Variants in TAMM41 observed in about 807,000 individuals in gnomAD.
TAMM41 encodes the protein phosphatidate cytidylyltransferase, mitochondrial.
In TAMM41, 36 loss-of-function variants were observed where a neutral mutation model predicts 44.1. The ratio of observed to expected loss-of-function variants is 0.82; its 90% CI spans 0.63 to 1.08. The LOEUF (loss-of-function observed/expected upper bound fraction) is 1.08. Ranked by LOEUF, TAMM41 falls within the 50% of genes least tolerant of loss-of-function variation. TAMM41 has a pLI of 0.00. For synonymous variants in TAMM41, 164 were observed against 153.1 expected (o/e 1.07, Z -0.53); for missense variants, 417 against 404.3 (o/e 1.03, Z -0.27).
the TAMM41 span, among the ~76,000 whole-genome samples, chr3:11,757,223 C>T: frequency 6.6e-6 from 1 of 152,156 alleles, no homozygotes; most frequent in African/African-American, 2.4e-5. Flanking sequence ...GATCCATGTT[C>T]ACATGAGAGA....
At chr3:11,826,314 G>C (rs143643766) in intron 4 of TAMM41, among the ~76,000 whole-genome samples, 1 of 152,060 alleles carries the variant, frequency 6.6e-6, no homozygotes, top group Non-Finnish European at 1.5e-5. Context: ...CGGGAGGATC[G>C]TTTGAGCTCA....
the TAMM41 span, among the ~76,000 whole-genome samples, chr3:11,727,006 GA>G: frequency 1.3e-5 from 2 of 151,996 alleles, no homozygotes; most frequent in African/African-American, 4.8e-5. Context: ...TTCAGGGAGA[GA>G]GGAAAGAATA....
chr3:11,823,912 G>A (rs1025319423), intron 4 of TAMM41, among the ~76,000 whole-genome samples: 6 of 147,542 alleles, frequency 4.1e-5, no homozygotes, highest in South Asian at 2.2e-4. Flanking sequence ...TGCAACCTCC[G>A]AATCCTGGGG....
At chr3:11,736,119 T>C in the TAMM41 span, among the ~76,000 whole-genome samples, 2 of 152,204 alleles carry the variant, frequency 1.3e-5, no homozygotes, top group East Asian at 1.9e-4. Context: ...ACTTCCTGTG[T>C]AGTTTCCAAA....
At position 11,790,482 on chromosome 3, in the gene TAMM41, A is replaced by T. The variant is rs1164320573; in HGVS notation, c.*23T>A. On this transcript the variant is annotated 3_prime_UTR_variant, in exon 8 of 8. Transcript: ENST00000455809. The stretch of plus-strand genomic sequence containing the variant: ...TCAAACACTTTATTCATCTACACAT[A>T]ACATATATAAAAGCAAGCAAAATCA... 1 of 1,600,604 alleles carries T rather than the reference A, an allele frequency of 6.2e-7. No individual in the cohort carries two copies. Among genetic ancestry groups the T allele is most frequent in the Non-Finnish European group, 8.6e-7 (1 of 1,168,036 alleles).
At chr3:11,824,615 A>G (rs1471039800) in intron 4 of TAMM41, among the ~76,000 whole-genome samples, 1 of 152,122 alleles carries the variant, frequency 6.6e-6, no homozygotes, top group African/African-American at 2.4e-5. Context: ...TACATTAGAA[A>G]ATACAAAAGT....
At chr3:11,806,197 G>A (rs1189332680) in intron 7 of TAMM41, among the ~76,000 whole-genome samples, 1 of 152,280 alleles carries the variant, frequency 6.6e-6, no homozygotes. Context: ...ACAGACTAAC[G>A]CAGCGTTGTG....
At chr3:11,750,911 C>T in the TAMM41 span, among the ~76,000 whole-genome samples, 2 of 152,112 alleles carry the variant, frequency 1.3e-5, no homozygotes, top group African/African-American at 4.8e-5. Context: ...ATCCCTCTCT[C>T]CTTCTCTCTC....
intron 4 of TAMM41, among the ~76,000 whole-genome samples, chr3:11,822,269 G>C (rs771923402): frequency 4.6e-5 from 7 of 152,068 alleles, no homozygotes; most frequent in African/African-American, 7.2e-5. Flanking sequence ...ATATTGATAT[G>C]GCAAAATAAT....
In TAMM41 at chr3:11,829,805, C is replaced by T. The variant is rs188613582; in HGVS notation, c.471G>A (p.Leu157=). The T allele has an allele frequency of 1.9e-5, 30 of 1,614,160 alleles. 1 individual carries two copies. In the Admixed American group the frequency reaches 4.3e-4, roughly 23 times the overall value. The change falls in exon 4 of 8, where the codon CTG becomes CTA. Residue 157 remains leucine, a synonymous_variant. Transcript: ENST00000455809. ...GGAAAGCAGCGGTCACAGCACTCTTCAGATTTCTATCGAGGGCTGATCTAA... is the reference window on the plus strand; with the variant it reads ...GGAAAGCAGCGGTCACAGCACTCTTTAGATTTCTATCGAGGGCTGATCTAA... ...VTLRSALDRN[L]KSAVTAAFLM...
intron 7 of TAMM41, among the ~76,000 whole-genome samples, chr3:11,806,361 G>A (rs530068403): frequency 6.6e-6 from 1 of 152,196 alleles, no homozygotes; most frequent in Admixed American, 6.5e-5. Context: ...CTTGTGGGAC[G>A]ATGAACTGAT....
chr3:11,741,659 G>A, the TAMM41 span, among the ~76,000 whole-genome samples: 1 of 150,182 alleles, frequency 6.7e-6, no homozygotes. Context: ...AGTTTCATGG[G>A]GAGAAAATTT....
chr3:11,722,568 A>G, the TAMM41 span, among the ~76,000 whole-genome samples: 385 of 152,370 alleles, frequency 2.5e-3, 3 homozygotes, highest in African/African-American at 8.8e-3. Context: ...AATGTTAAAA[A>G]TAAAATTAAA....
At chr3:11,796,782 T>C (rs2077616489) in intron 7 of TAMM41, among the ~76,000 whole-genome samples, 1 of 152,142 alleles carries the variant, frequency 6.6e-6, no homozygotes, top group Admixed American at 6.6e-5. Flanking sequence ...GCTCAAAAGC[T>C]CCTTCAGCTG....
chr3:11,826,287 A>G (rs1005271332), intron 4 of TAMM41, among the ~76,000 whole-genome samples: 7 of 152,258 alleles, frequency 4.6e-5, no homozygotes, highest in South Asian at 2.1e-4. Context: ...TAATCCCAGC[A>G]CTCGGGGAGG....
intron 2 of TAMM41, chr3:11,843,714 C>G (rs1255376733): frequency 8.7e-6 from 2 of 230,406 alleles, no homozygotes; most frequent in African/African-American, 4.5e-5. Flanking sequence ...AAAACTCCGT[C>G]TCAAAAAAAT....
At chr3:11,802,999 C>T (rs1407696006) in intron 7 of TAMM41, among the ~76,000 whole-genome samples, 1 of 152,168 alleles carries the variant, frequency 6.6e-6, no homozygotes, top group Admixed American at 6.5e-5. Context: ...AGCCTGGGCA[C>T]AGTGACTTAT....
the TAMM41 span, among the ~76,000 whole-genome samples, chr3:11,783,683 C>T: frequency 2.0e-5 from 3 of 152,200 alleles, no homozygotes; most frequent in Non-Finnish European, 4.4e-5. Context: ...TCAACAATAA[C>T]AGCTACCATT....
chr3:11,806,109 G>T (rs2077902113), intron 7 of TAMM41, among the ~76,000 whole-genome samples: 1 of 152,196 alleles, frequency 6.6e-6, no homozygotes, highest in Admixed American at 6.5e-5. Context: ...CCCCAGCCAT[G>T]TGGAACTGCT....
Sources: allele counts gnomAD v4.1 joint callset (sites outside exome capture counted in the v4.1 genomes callset), GRCh38; gene constraint gnomAD v4.1.1; transcripts MANE v1.5; gene names NCBI Gene and HGNC (gene_info 2026-07-23, HGNC 2026-07-21).